Variants in SUSD4 observed in about 807,000 individuals in gnomAD.
The protein encoded by SUSD4 is sushi domain-containing protein 4.
Under a neutral mutation model 50.5 loss-of-function variants are expected in SUSD4, and 41 were observed. The observed-to-expected ratio is 0.81, with a 90% confidence interval of 0.63 to 1.05. The LOEUF is 1.05. SUSD4 is among the 50% of genes least tolerant of loss of function. The pLI, the probability that SUSD4 is intolerant of heterozygous loss-of-function variation, is 0.00. For missense variants in SUSD4, 580 were observed against 634.7 expected (o/e 0.91, Z 0.93); for synonymous variants, 257 against 257.3 (o/e 1.00, Z 0.01).
intron 2 of SUSD4, among the ~76,000 whole-genome samples, chr1:223,355,060 G>A (rs1333534227): frequency 6.6e-6 from 1 of 151,278 alleles, no homozygotes; most frequent in Non-Finnish European, 1.5e-5. Context: ...CTACAGACAC[G>A]TGCCACCACA....
chr1:223,228,032 CT>C (rs1659638896), intron 6 of SUSD4, among the ~76,000 whole-genome samples: 1 of 152,218 alleles, frequency 6.6e-6, no homozygotes, highest in South Asian at 2.1e-4. Flanking sequence ...ATGCATCTGC[CT>C]CTTGAGAACA....
chr1:223,360,979 C>T (rs1361952808), intron 2 of SUSD4, among the ~76,000 whole-genome samples: 2 of 152,164 alleles, frequency 1.3e-5, no homozygotes, highest in Non-Finnish European at 2.9e-5. Flanking sequence ...TGGTCTCAAG[C>T]ATGGCTAATC....
chr1:223,268,581 C>T lies in SUSD4; in HGVS notation c.456G>A (p.Lys152=). 1 of 1,610,460 alleles carries T rather than the reference C, an allele frequency of 6.2e-7. No homozygotes were observed. The highest frequency in any genetic ancestry group is 2.2e-5 in the East Asian group (1 of 44,620). Residue 152 remains lysine, a synonymous_variant, in exon 4 of 9, where the codon AAG becomes AAA. Transcript: ENST00000366878. ...KLIITCHEGF[K]IRYPDLHNMV... ...TATTGTGTAGGTCGGGGTACCGGAT[C>T]TTGAATCCTTCATGACAAGTGATGA...
chr1:223,360,218 T>TAAAGGA lies in SUSD4; in HGVS notation c.148+3059_148+3060insTCCTTT, dbSNP rs756477989. On this transcript the variant is annotated intron_variant, in intron 2 of 8. Coordinates refer to ENST00000366878, the MANE Select transcript of SUSD4 (RefSeq NM_017982.4). ...AAGAATTCACCTTAAAGGAGTCACT[T>TAAAGGA]GTTGAGCAAACTCTTGGCTCTCTTC... 1.5e-4 allele frequency: 72 copies of TAAAGGA among 470,860 alleles called. 2 individuals are homozygous for TAAAGGA. Among genetic ancestry groups the TAAAGGA allele is most frequent in the South Asian group, 1.1e-3 (71 of 64,492 alleles). 29.2% of individuals were successfully genotyped at this position (470,860 alleles called of 1,614,324 possible). A position where few individuals can be genotyped will look rare whatever the true frequency, so the allele number is the denominator to read the frequency against.
rs111907186 is a variant in SUSD4 at position 223,306,594 on chromosome 1, C to T, written c.149-13943G>A. On this transcript the variant is annotated intron_variant, in intron 2 of 8. Transcript: ENST00000366878. ...GCAGCCTCTACCTCCTAGGCTCAAG[C>T]GATCCTCACACCTCATCCTCTTGAG... Among the ~76,000 whole-genome samples, 519 of 152,278 alleles carry T rather than the reference C, an allele frequency of 3.4e-3. 2 individuals carry two copies. The highest frequency in any genetic ancestry group is 0.011 in the African/African-American group (466 of 41,544).
At chr1:223,287,038 C>T (rs1664190498) in intron 3 of SUSD4, among the ~76,000 whole-genome samples, 1 of 152,184 alleles carries the variant, frequency 6.6e-6, no homozygotes, top group Non-Finnish European at 1.5e-5. Flanking sequence ...CAAGGAAAAC[C>T]ATCCTAGGGA....
At chr1:223,245,787 C>T (rs1006714593) in intron 5 of SUSD4, among the ~76,000 whole-genome samples, 10 of 152,064 alleles carry the variant, frequency 6.6e-5, no homozygotes, top group African/African-American at 2.4e-4. Flanking sequence ...AGAAGAGTGA[C>T]TTGAATGTTA....
intron 5 of SUSD4, among the ~76,000 whole-genome samples, chr1:223,260,073 T>G (rs1661994058): frequency 6.6e-6 from 1 of 152,080 alleles, no homozygotes; most frequent in Admixed American, 6.6e-5. Flanking sequence ...GGGTAGAAAA[T>G]TTCATTTTAC....
chr1:223,332,303 A>G lies in SUSD4; in HGVS notation c.148+30975T>C, dbSNP rs892821769. Among the ~76,000 whole-genome samples the G allele has an allele frequency of 1.3e-5, 2 of 152,218 alleles. No homozygotes were observed. Among genetic ancestry groups the G allele is most frequent in the Admixed American group, 6.5e-5 (1 of 15,286 alleles). On this transcript the variant is annotated intron_variant, in intron 2 of 8. Coordinates refer to ENST00000366878, the MANE Select transcript of SUSD4 (RefSeq NM_017982.4). The surrounding 1 kb of genome is among the most constrained non-coding windows in gnomAD (Gnocchi z 4.0). ...GTTTTATACAAGCTCATATACACAC[A>G]TATCTACAGAAAACATCATAGTGTA...
At position 223,223,588 on chromosome 1, in the gene SUSD4, C is replaced by T; in HGVS notation, c.1105G>A (p.Val369Ile). 6.2e-7 allele frequency: 1 copy of T among 1,612,680 alleles called. No individual in the cohort carries two copies. ...GGGAGCATGACGGGCACGCCGTCTACCACCACAAAGTCAGGGTCACTGCTG... is the reference window on the plus strand; with the variant it reads ...GGGAGCATGACGGGCACGCCGTCTATCACCACAAAGTCAGGGTCACTGCTG... ...SSSSDPDFVVVDGVPVMLPSY... is the reference protein window; with the variant it reads ...SSSSDPDFVVIDGVPVMLPSY... The change falls in exon 8 of 9, where the codon GTA (valine) becomes ATA (isoleucine). Residue 369 changes from valine (V) to isoleucine (I), a missense_variant. Val to Ile is a conservative substitution (Grantham distance 29). Transcript: ENST00000366878.
rs547085270 is a variant in SUSD4, at chr1:223,232,233, G to A, written c.725-2845C>T. On this transcript the variant is annotated intron_variant, in intron 5 of 8. Coordinates refer to ENST00000366878, the MANE Select transcript of SUSD4 (RefSeq NM_017982.4). ...GTGCAGTTCCATAGGACGAAGCCCA[G>A]AGCTCTGATGTATAGTATCCAGACT... Among the ~76,000 whole-genome samples the A allele has an allele frequency of 3.9e-5, 6 of 152,286 alleles. No individual in the cohort carries two copies. In the South Asian group the frequency reaches 1.2e-3, roughly 32 times the overall value.
intron 2 of SUSD4, among the ~76,000 whole-genome samples, chr1:223,311,701 C>A (rs985395126): frequency 2.6e-5 from 4 of 152,144 alleles, no homozygotes; most frequent in Non-Finnish European, 5.9e-5. Flanking sequence ...GTTTTTCTTG[C>A]AAAACATTAT....
At chr1:223,288,278 C>T (rs1200854214) in intron 3 of SUSD4, among the ~76,000 whole-genome samples, 1 of 152,202 alleles carries the variant, frequency 6.6e-6, no homozygotes, top group African/African-American at 2.4e-5. Context: ...TGCTCTCTCT[C>T]TCCTGCCACC....
intron 2 of SUSD4, among the ~76,000 whole-genome samples, chr1:223,344,770 A>T (rs1233643560): frequency 6.6e-6 from 1 of 152,192 alleles, no homozygotes; most frequent in Non-Finnish European, 1.5e-5. Flanking sequence ...AAATCCAAGC[A>T]GGCCGCCCTA....
intron 4 of SUSD4, among the ~76,000 whole-genome samples, chr1:223,267,628 G>T (rs1571925827): frequency 6.6e-6 from 1 of 152,102 alleles, no homozygotes; most frequent in African/African-American, 2.4e-5. Context: ...CCTTCAAGGG[G>T]TCACGACTTT....
intron 3 of SUSD4, among the ~76,000 whole-genome samples, chr1:223,285,285 G>A (rs1036906106): frequency 6.6e-6 from 1 of 152,170 alleles, no homozygotes; most frequent in South Asian, 2.1e-4. Context: ...GGAACACCAA[G>A]GGAGGCTTTG....
intron 2 of SUSD4, 85 bp downstream of exon 2, chr1:223,363,193 A>T: frequency 7.5e-7 from 1 of 1,341,642 alleles, no homozygotes; most frequent in Admixed American, 3.1e-5. Flanking sequence ...TGTATGGGGG[A>T]GGGGTGCAGG....
intron 2 of SUSD4, among the ~76,000 whole-genome samples, chr1:223,349,313 C>T (rs774378643): frequency 2.1e-4 from 32 of 152,110 alleles, no homozygotes; most frequent in Admixed American, 9.8e-4. Context: ...ATCACTTCTC[C>T]GCAGGCTACC....
intron 4 of SUSD4, 118 bp downstream of exon 4, chr1:223,268,384 T>A: frequency 1.3e-5 from 18 of 1,353,072 alleles, no homozygotes; most frequent in Non-Finnish European, 1.6e-5. Flanking sequence ...GTGGGGTAGA[T>A]GGCTTTGTTC....
Sources: allele counts gnomAD v4.1 joint callset (sites outside exome capture counted in the v4.1 genomes callset), GRCh38; gene constraint gnomAD v4.1.1; non-coding constraint Gnocchi (gnomAD v3.1); transcripts MANE v1.5; gene names NCBI Gene and HGNC (gene_info 2026-07-23, HGNC 2026-07-21).